The following SMCO3 variants were observed in gnomAD, a reference collection of about 807,000 sequenced individuals.
The protein encoded by SMCO3 is single-pass membrane protein with coiled-coil domains 3.
Under a neutral mutation model 12.0 loss-of-function variants are expected in SMCO3, and 6 were observed. The ratio of observed to expected loss-of-function variants is 0.50; its 90% CI spans 0.27 to 0.99. The LOEUF is 0.99. Among genes scored for constraint, SMCO3 ranks in the 50% least tolerant of loss-of-function variants. The pLI, the probability that SMCO3 is intolerant of heterozygous loss-of-function variation, is 0.11. For missense variants in SMCO3, 279 were observed against 265.0 expected, an observed-to-expected ratio of 1.05 and a Z score of -0.37; for synonymous variants, 96 against 96.4, an observed-to-expected ratio of 1.00 and a Z score of 0.02.
chr12:14,807,767 T>G (rs1950076011), intron 1 of SMCO3, among the ~76,000 whole-genome samples: 1 of 152,194 alleles, frequency 6.6e-6, no homozygotes, highest in Non-Finnish European at 1.5e-5. Flanking sequence ...TTTGCAAAGC[T>G]TATAAATTAA....
chr12:14,810,545 C>T (rs1335257684), intron 1 of SMCO3, among the ~76,000 whole-genome samples: 2 of 152,132 alleles, frequency 1.3e-5, no homozygotes, highest in East Asian at 3.8e-4. Context: ...GAAGTTAAGA[C>T]AGATTTATAA....
In SMCO3 at chr12:14,804,958, C is replaced by T. The variant is rs1418359361; in HGVS notation, c.*1045G>A. On this transcript the variant is annotated 3_prime_UTR_variant, in exon 2 of 2. Coordinates refer to ENST00000316048, the MANE Select transcript of SMCO3 (RefSeq NM_001013698.2). ...TGTCAGTATAGACTAAAAGAGTCCT[C>T]ATGGGAATTATTGGTTGGCAAAGGA... The T allele has an allele frequency of 2.0e-5, 3 of 152,212 alleles. No individual in the cohort carries two copies. The highest frequency in any genetic ancestry group is 6.5e-5 in the Admixed American group (1 of 15,280). 9.4% of individuals were successfully genotyped at this position (152,212 alleles called of 1,614,324 possible).
Position 14,808,712 on chromosome 12 carries a change from G to A in SMCO3, c.-16-2016C>T, listed in dbSNP as rs193302778. ...GTTGTTAGATTTAGAAAAATGCACT[G>A]GAACCTCCTGGTAAAATAAACTACC... On this transcript the variant is annotated intron_variant, in intron 1 of 1. Coordinates refer to ENST00000316048, the MANE Select transcript of SMCO3 (RefSeq NM_001013698.2). Among the ~76,000 whole-genome samples the A allele has an allele frequency of 2.0e-3, 306 of 152,254 alleles. 2 individuals carry two copies. The highest frequency in any genetic ancestry group is 7.0e-3 in the African/African-American group (291 of 41,544).
At chr12:14,807,387 G>A (rs190723135) in intron 1 of SMCO3, among the ~76,000 whole-genome samples, 30 of 152,024 alleles carry the variant, frequency 2.0e-4, no homozygotes, top group African/African-American at 6.3e-4. Context: ...TTAGTTTCCC[G>A]AACCCCTAGT....
rs1950057839 is a variant in SMCO3, at chr12:14,806,700, A to G, written c.-16-4T>C. Reference sequence around the variant, plus strand: ...GGCCATATTTCCAATATGATCGCTGAAAAATAAAATGGTAAATTTTTACTG... The same window carrying G: ...GGCCATATTTCCAATATGATCGCTGGAAAATAAAATGGTAAATTTTTACTG... On this transcript the variant is annotated splice_region_variant and splice_polypyrimidine_tract_variant and intron_variant, in intron 1 of 1. Coordinates refer to ENST00000316048, the MANE Select transcript of SMCO3 (RefSeq NM_001013698.2). 2 of 1,555,922 alleles carry G rather than the reference A, an allele frequency of 1.3e-6. No homozygotes were observed. Among genetic ancestry groups the G allele is most frequent in the African/African-American group, 1.4e-5 (1 of 72,242 alleles).
At position 14,806,298 on chromosome 12, in the gene SMCO3, G is replaced by A. The variant is rs755623941; in HGVS notation, c.383C>T (p.Ala128Val). 5 of 1,614,206 alleles carry A rather than the reference G, an allele frequency of 3.1e-6. No individual in the cohort carries two copies. In the South Asian group the frequency reaches 5.5e-5, roughly 18 times the overall value. The stretch of plus-strand genomic sequence containing the variant: ...CACAAGTTTAACAGCGACTGCACTG[G>A]CTGCAGATGTAGCTTCTCCCAGGAT... ...SVILGEATSA[A>V]SAVAVKLVGS... The change falls in exon 2 of 2, where the codon GCC (alanine) becomes GTC (valine). Residue 128 changes from alanine to valine, a missense_variant. By Grantham distance (64) the Ala-to-Val change is moderately conservative. Coordinates refer to ENST00000316048, the MANE Select transcript of SMCO3 (RefSeq NM_001013698.2).
chr12:14,810,555 AC>A (rs1225160761), intron 1 of SMCO3, among the ~76,000 whole-genome samples: 1 of 152,220 alleles, frequency 6.6e-6, no homozygotes, highest in Non-Finnish European at 1.5e-5. Flanking sequence ...CAGATTTATA[AC>A]TGTAATATCA....
At chr12:14,812,439 G>C (rs1950155562) in intron 1 of SMCO3, among the ~76,000 whole-genome samples, 1 of 150,580 alleles carries the variant, frequency 6.6e-6, no homozygotes, top group African/African-American at 2.4e-5. Flanking sequence ...GGGAGACTCC[G>C]TCTCAAAAAA....
Position 14,806,540 on chromosome 12 carries a change from C to G in SMCO3, c.141G>C (p.Leu47Phe). ...NKLTEVLNMH[L>F]GCRLASIEMK... ...TCTCAATGGAGGCCAGCCTGCACCC[C>G]AAGTGCATATTTAGAACCTCAGTCA... Residue 47 changes from leucine to phenylalanine, a missense_variant, in exon 2 of 2, where the codon TTG (leucine) becomes TTC (phenylalanine). Physicochemically the swap from Leu to Phe is conservative, Grantham distance 22 (BLOSUM62 0). Coordinates refer to ENST00000316048, the MANE Select transcript of SMCO3 (RefSeq NM_001013698.2). The G allele has an allele frequency of 1.9e-6, 3 of 1,614,164 alleles. No homozygotes were observed. Among genetic ancestry groups the G allele is most frequent in the Non-Finnish European group, 1.7e-6 (2 of 1,180,038 alleles).
In SMCO3 at chr12:14,806,632, C is replaced by T. The variant is rs918434163; in HGVS notation, c.49G>A (p.Glu17Lys). The part of the protein sequence containing the change: ...LYPENPKRRE[E>K]VNRLHQQLLD... Reference sequence around the variant, plus strand: ...AGCTGCTGGTGAAGACGATTTACTTCTTCCCGCCTTTTTGGGTTCTCTGGG... The same window carrying T: ...AGCTGCTGGTGAAGACGATTTACTTTTTCCCGCCTTTTTGGGTTCTCTGGG... Residue 17 changes from glutamate to lysine, a missense_variant, in exon 2 of 2, where the codon GAA (glutamate) becomes AAA (lysine). By Grantham distance (56) the Glu-to-Lys change is moderately conservative (BLOSUM62 1). Transcript: ENST00000316048. The T allele has an allele frequency of 6.2e-7, 1 of 1,611,410 alleles. No individual in the cohort carries two copies. Among genetic ancestry groups the T allele is most frequent in the Admixed American group, 1.7e-5 (1 of 59,352 alleles).
rs753356358 is a variant in SMCO3 at position 14,806,414 on chromosome 12, A to T, written c.267T>A (p.Asp89Glu). 5 of 1,614,132 alleles carry T rather than the reference A, an allele frequency of 3.1e-6. No homozygotes were observed. In the South Asian group the frequency reaches 5.5e-5, roughly 18 times the overall value. ...ELQKVDEALK[D>E]KLEPTLYRKL... ...TTCTATAGAGGGTTGGCTCTAGCTT[A>T]TCTTTTAGTGCTTCATCAACCTTCT... Residue 89 changes from aspartate (D) to glutamate (E), a missense_variant, in exon 2 of 2, where the codon GAT becomes GAA. Physicochemically the swap from Asp to Glu is conservative, Grantham distance 45. Transcript: ENST00000316048.
In SMCO3 at chr12:14,807,401, C is replaced by T. The variant is rs182778975; in HGVS notation, c.-16-705G>A. Among the ~76,000 whole-genome samples, 11 of 152,282 alleles carry T rather than the reference C, an allele frequency of 7.2e-5. No individual in the cohort carries two copies. In the East Asian group the frequency reaches 2.1e-3, roughly 29 times the overall value. Reference sequence around the variant, plus strand: ...CTTAGTTTCCCGAACCCCTAGTCACCACATTGACCACACCTACCAGACTGA... The same window carrying T: ...CTTAGTTTCCCGAACCCCTAGTCACTACATTGACCACACCTACCAGACTGA... On this transcript the variant is annotated intron_variant, in intron 1 of 1. Transcript: ENST00000316048.
At chr12:14,806,834 C>A in intron 1 of SMCO3, 138 bp from the exon 2 acceptor site, 1 of 815,090 alleles carries the variant, frequency 1.2e-6, no homozygotes, top group Non-Finnish European at 1.9e-6. Context: ...TCAGAACACT[C>A]AACAAGTTTT....
chr12:14,811,870 A>G (rs1414088109), intron 1 of SMCO3, among the ~76,000 whole-genome samples: 1 of 152,218 alleles, frequency 6.6e-6, no homozygotes, highest in East Asian at 1.9e-4. Flanking sequence ...CTTCATGGAG[A>G]ATGCAATATA....
chr12:14,808,523 G>C (rs959375336), intron 1 of SMCO3, among the ~76,000 whole-genome samples: 1 of 152,078 alleles, frequency 6.6e-6, no homozygotes, highest in Non-Finnish European at 1.5e-5. Context: ...TTCTTATTCT[G>C]CTTAAGGGGA....
In SMCO3 at chr12:14,806,677, C is replaced by T; in HGVS notation, c.4G>A (p.Ala2Thr). Residue 2 changes from alanine to threonine, a missense_variant, in exon 2 of 2, where the codon GCC (alanine) becomes ACC (threonine). Coordinates refer to ENST00000316048, the MANE Select transcript of SMCO3 (RefSeq NM_001013698.2). ...TCTGGGTAAAGGAAGTCACTTTGGG[C>T]CATATTTCCAATATGATCGCTGAAA... Reference protein sequence around the residue: MAQSDFLYPENP... With the variant: MTQSDFLYPENP... The T allele has an allele frequency of 6.3e-7, 1 of 1,577,088 alleles. No individual in the cohort carries two copies. Among genetic ancestry groups the T allele is most frequent in the Non-Finnish European group, 8.6e-7 (1 of 1,166,428 alleles).
chr12:14,805,767 A>G lies in SMCO3; in HGVS notation c.*236T>C, dbSNP rs1950037857. 2 of 496,094 alleles carry G rather than the reference A, an allele frequency of 4.0e-6. No homozygotes were observed. The highest frequency in any genetic ancestry group is 7.5e-5 in the Admixed American group (2 of 26,760). 30.7% of individuals were successfully genotyped at this position (496,094 alleles called of 1,614,324 possible). A position where few individuals can be genotyped will look rare whatever the true frequency, so the allele number is the denominator to read the frequency against. ...TGATCTGGTAGAGCAGGGTGTGAAAACATCCAGGGAGAAAATTTTTTTACC... is the reference window on the plus strand; with the variant it reads ...TGATCTGGTAGAGCAGGGTGTGAAAGCATCCAGGGAGAAAATTTTTTTACC... On this transcript the variant is annotated 3_prime_UTR_variant, in exon 2 of 2. Coordinates refer to ENST00000316048, the MANE Select transcript of SMCO3 (RefSeq NM_001013698.2).
rs1381347457 is a variant in SMCO3 at position 14,806,320 on chromosome 12, G to A, written c.361C>T (p.Leu121=). The change falls in exon 2 of 2, where the codon CTG becomes TTG. Residue 121 remains leucine, a synonymous_variant. Transcript: ENST00000316048. ...CTGGCTGCAGATGTAGCTTCTCCCA[G>A]GATGACCGAAATAACCTTTTGCACT... is the stretch of plus-strand genomic sequence containing the variant. ...AIVQKVISVI[L]GEATSAASAV... The A allele has an allele frequency of 1.1e-5, 18 of 1,614,080 alleles. No homozygotes were observed. The highest frequency in any genetic ancestry group is 1.5e-5 in the Non-Finnish European group (18 of 1,180,030).
chr12:14,810,762 G>T (rs778754278), intron 1 of SMCO3, among the ~76,000 whole-genome samples: 1 of 152,134 alleles, frequency 6.6e-6, no homozygotes, highest in Non-Finnish European at 1.5e-5. Context: ...GTTGAGGAGA[G>T]GCTGGGCACC....
Sources: gnomAD v4.1 joint callset for allele counts (sites outside exome capture counted in the v4.1 genomes callset) on GRCh38, gnomAD v4.1.1 for gene constraint, MANE v1.5 for transcripts, NCBI Gene and HGNC (gene_info 2026-07-23, HGNC 2026-07-21) for gene names.